The following BAZ2B variants were observed in gnomAD, a reference collection of about 807,000 sequenced individuals.
BAZ2B encodes bromodomain adjacent to zinc finger domain 2B.
BAZ2B carries 91 observed loss-of-function variants against 246.0 expected under a neutral mutation model. The observed-to-expected ratio is 0.37, with a 90% CI of 0.31 to 0.44. BAZ2B has a LOEUF of 0.44. Among genes scored for constraint, BAZ2B ranks in the 20% least tolerant of loss-of-function variants. The pLI, the probability that BAZ2B is intolerant of heterozygous loss-of-function variation, is 1.00. For missense variants in BAZ2B, 2,332 were observed against 2,533.7 expected (o/e 0.92, Z 1.71); for synonymous variants, 855 against 860.0 (o/e 0.99, Z 0.10).
At chr2:159,495,062 G>A (rs558406373) in intron 2 of BAZ2B, among the ~76,000 whole-genome samples, 2 of 151,788 alleles carry the variant, frequency 1.3e-5, no homozygotes, top group South Asian at 2.1e-4. Flanking sequence ...GTGTAGATGA[G>A]CAAACAAATT....
chr2:159,552,823 C>A (rs1298221972), intron 2 of BAZ2B, among the ~76,000 whole-genome samples: 1 of 152,072 alleles, frequency 6.6e-6, no homozygotes, highest in Non-Finnish European at 1.5e-5. Flanking sequence ...TTATCAGTAA[C>A]CCTGGAGTAA....
chr2:159,399,308 A>C (rs976173631), intron 17 of BAZ2B, among the ~76,000 whole-genome samples: 9 of 152,124 alleles, frequency 5.9e-5, no homozygotes, highest in Non-Finnish European at 8.8e-5. Context: ...AATAAATAAA[A>C]ATTATTTCAA....
At chr2:159,339,711 T>C (rs1418604408) in intron 31 of BAZ2B, among the ~76,000 whole-genome samples, 2 of 152,188 alleles carry the variant, frequency 1.3e-5, no homozygotes, top group African/African-American at 4.8e-5. Context: ...ATGCAGTATA[T>C]TTATAGGATG....
intron 21 of BAZ2B, 127 bp from the exon 22 acceptor site, chr2:159,386,734 CTTTG>C: frequency 4.6e-6 from 5 of 1,088,212 alleles, no homozygotes; most frequent in Non-Finnish European, 6.4e-6. Flanking sequence ...CAGTAGCTTC[CTTTG>C]GGATGCTAAA....
intron 36 of BAZ2B, 56 bp downstream of exon 36, chr2:159,324,755 C>T (rs1182292432): frequency 5.0e-6 from 6 of 1,190,698 alleles, no homozygotes; most frequent in Admixed American, 3.5e-5. Context: ...TAAAAATATG[C>T]CTAGCATATA....
intron 32 of BAZ2B, 159 bp downstream of exon 32, chr2:159,337,408 G>A: frequency 6.8e-7 from 1 of 1,461,650 alleles, no homozygotes; most frequent in Non-Finnish European, 9.2e-7. Context: ...TAGAAAATAG[G>A]CTCCAATTAG....
chr2:159,621,934 C>T, the BAZ2B span, among the ~76,000 whole-genome samples: 1 of 152,166 alleles, frequency 6.6e-6, no homozygotes, highest in South Asian at 2.1e-4. Flanking sequence ...GAGAAACCCC[C>T]ATCTCTACCA....
At chr2:159,490,366 C>T (rs76506323) in intron 2 of BAZ2B, among the ~76,000 whole-genome samples, 28,091 of 152,046 alleles carry the variant, frequency 0.18, 3,537 homozygotes, top group Non-Finnish European at 0.28. Flanking sequence ...AGAATCTACG[C>T]GACCTCCTAG....
At chr2:159,528,385 C>T (rs746183554) in intron 2 of BAZ2B, among the ~76,000 whole-genome samples, 10 of 151,918 alleles carry the variant, frequency 6.6e-5, no homozygotes, top group African/African-American at 1.2e-4. Flanking sequence ...AAAAACAGGC[C>T]GAGAACAGTA....
chr2:159,491,049 T>C (rs1577703934), intron 2 of BAZ2B, among the ~76,000 whole-genome samples: 1 of 152,322 alleles, frequency 6.6e-6, no homozygotes, highest in South Asian at 2.1e-4. Context: ...CAGGAGTCTA[T>C]TTTATGGCTA....
chr2:159,427,821 T>C, intron 13 of BAZ2B, 120 bp downstream of exon 13: 1 of 721,064 alleles, frequency 1.4e-6, no homozygotes. Context: ...CAAAGTTATA[T>C]GTATAGCCAT....
At chr2:159,373,612 T>C (rs1253896780) in intron 26 of BAZ2B, among the ~76,000 whole-genome samples, 1 of 152,012 alleles carries the variant, frequency 6.6e-6, no homozygotes, top group Non-Finnish European at 1.5e-5. Flanking sequence ...GGGTGGGTCA[T>C]TTGAACCCAG....
At chr2:159,320,495 G>C in intron 36 of BAZ2B, 77 bp from the exon 37 acceptor site, 2 of 1,250,862 alleles carry the variant, frequency 1.6e-6, no homozygotes, top group Non-Finnish European at 2.2e-6. Flanking sequence ...GTTAATAAAG[G>C]GTAAAAATGA....
At chr2:159,606,537 G>C (rs1349837271) in intron 1 of BAZ2B, among the ~76,000 whole-genome samples, 2 of 152,084 alleles carry the variant, frequency 1.3e-5, no homozygotes, top group Admixed American at 6.5e-5. Context: ...TGTCATCATA[G>C]AAACCAGAAA....
chr2:159,483,604 C>T (rs1410315604), intron 2 of BAZ2B, among the ~76,000 whole-genome samples: 1 of 152,072 alleles, frequency 6.6e-6, no homozygotes, highest in Admixed American at 6.5e-5. Context: ...TGGTGAAACC[C>T]TGTCTCTACT....
chr2:159,611,257 C>T (rs1362545540), intron 1 of BAZ2B, among the ~76,000 whole-genome samples: 1 of 151,714 alleles, frequency 6.6e-6, no homozygotes, highest in Non-Finnish European at 1.5e-5. Flanking sequence ...ATAAACTAAG[C>T]ATCAGGAGTC....
In BAZ2B at chr2:159,335,671, G is replaced by A. The variant is rs141398348; in HGVS notation, c.5796+1271C>T. On this transcript the variant is annotated intron_variant, in intron 33 of 36. Transcript: ENST00000392783. ...AGCAGTGAAAAACCATAGAAGAAAC[G>A]TAATTTATTTGTGTGGAATTAATAA... Among the ~76,000 whole-genome samples, 13 of 152,096 alleles carry A rather than the reference G, an allele frequency of 8.5e-5. No homozygotes were observed. In the East Asian group the frequency reaches 2.1e-3, roughly 25 times the overall value.
At chr2:159,495,803 T>C (rs2151060201) in intron 2 of BAZ2B, among the ~76,000 whole-genome samples, 1 of 150,638 alleles carries the variant, frequency 6.6e-6, no homozygotes, top group South Asian at 2.1e-4. Flanking sequence ...AGAGTCTCGC[T>C]CTGTTGCCCA....
chr2:159,456,010 T>C (rs1188376997), intron 3 of BAZ2B, among the ~76,000 whole-genome samples: 1 of 151,978 alleles, frequency 6.6e-6, no homozygotes, highest in Non-Finnish European at 1.5e-5. Flanking sequence ...GAACTGAACA[T>C]TGCAGTTTTG....
Sources: gnomAD v4.1 joint callset for allele counts (sites outside exome capture counted in the v4.1 genomes callset) on GRCh38, gnomAD v4.1.1 for gene constraint, MANE v1.5 for transcripts, NCBI Gene and HGNC (gene_info 2026-07-23, HGNC 2026-07-21) for gene names.